DNER: variants seen among roughly 807,000 people sequenced by gnomAD.
DNER encodes delta/notch like EGF repeat containing.
Under a neutral mutation model 78.2 loss-of-function variants are expected in DNER, and 33 were observed. The observed-to-expected ratio is 0.42, with a 90% CI of 0.32 to 0.56. DNER has a LOEUF of 0.56. Ranked by LOEUF, DNER falls within the 20% of genes least tolerant of loss-of-function variation. The pLI is 0.11. For missense variants in DNER, 918 were observed against 975.3 expected (o/e 0.94, Z 0.78); for synonymous variants, 417 against 384.8 (o/e 1.08, Z -0.98).
At chr2:229,456,052 T>A (rs1694564302) in intron 7 of DNER, among the ~76,000 whole-genome samples, 1 of 152,058 alleles carries the variant, frequency 6.6e-6, no homozygotes, top group Admixed American at 6.5e-5. Context: ...TACAAAGGGA[T>A]ACCTGAGACT....
In DNER at chr2:229,466,408, G is replaced by A. The variant is rs576308831; in HGVS notation, c.1261+10732C>T. 1.4e-3 allele frequency among the ~76,000 whole-genome samples: 216 copies of A among 151,992 alleles called. 2 individuals are homozygous for A. Among genetic ancestry groups the A allele is most frequent in the African/African-American group, 5.1e-3 (211 of 41,428 alleles). On this transcript the variant is annotated intron_variant, in intron 7 of 12. Coordinates refer to ENST00000341772, the MANE Select transcript of DNER (RefSeq NM_139072.4). ...GCCTGCAGCCCTACTCATTCTTTAG[G>A]TTACTACTTAGTCTTCAAGTATGTT...
Position 229,710,872 on chromosome 2 carries a change from A to G in DNER, c.276+3276T>C, listed in dbSNP as rs145992703. ...GGTGCTCAGTGATTTACAGCACTTA[A>G]TTAATTTAATCCTTCCCAGAACCTT... On this transcript the variant is annotated intron_variant, in intron 1 of 12. Transcript: ENST00000341772. 3.9e-5 allele frequency among the ~76,000 whole-genome samples: 6 copies of G among 152,210 alleles called. No homozygotes were observed. The East Asian group carries it at 1.2e-3, about 29-fold the overall frequency.
At chr2:229,671,417 G>A (rs1375786602) in intron 1 of DNER, among the ~76,000 whole-genome samples, 3 of 152,144 alleles carry the variant, frequency 2.0e-5, no homozygotes, top group Admixed American at 2.0e-4. Flanking sequence ...CCTATCCAAT[G>A]TAACCAGCCA....
At chr2:229,606,444 T>G (rs1006740) in intron 1 of DNER, 96,459 of 151,704 alleles carry the variant, frequency 0.64, 30,884 homozygotes, top group African/African-American at 0.71. Flanking sequence ...CCACCAGCAG[T>G]CCCGAGGTAA....
At chr2:229,367,429 C>T (rs1441943087) in intron 11 of DNER, among the ~76,000 whole-genome samples, 1 of 151,922 alleles carries the variant, frequency 6.6e-6, no homozygotes, top group Non-Finnish European at 1.5e-5. Context: ...GGTAAAACCT[C>T]ATCTCTACTA....
chr2:229,561,296 A>T (rs1189038662), intron 4 of DNER, among the ~76,000 whole-genome samples: 3 of 152,206 alleles, frequency 2.0e-5, no homozygotes, highest in Non-Finnish European at 4.4e-5. Context: ...TGAAAATTAC[A>T]TATTAAGTAA....
chr2:229,385,911 G>A (rs547531339), intron 11 of DNER, among the ~76,000 whole-genome samples: 51 of 151,728 alleles, frequency 3.4e-4, no homozygotes, highest in African/African-American at 1.1e-3. Context: ...TAATTTACAC[G>A]TTCAATGCTA....
In DNER at chr2:229,710,985, A is replaced by G. The variant is rs113201499; in HGVS notation, c.276+3163T>C. 7.7e-3 allele frequency among the ~76,000 whole-genome samples: 806 copies of G among 104,854 alleles called. 4 individuals carry two copies. Among genetic ancestry groups the G allele is most frequent in the African/African-American group, 0.025 (620 of 25,206 alleles). 68.8% of individuals were successfully genotyped at this position (104,854 alleles called of 152,430 possible). On this transcript the variant is annotated intron_variant, in intron 1 of 12. Coordinates refer to ENST00000341772, the MANE Select transcript of DNER (RefSeq NM_139072.4). ...CTGAAAATGGCATGCATACACGCGCACACACACACACACACACACACACAC... is the reference window on the plus strand; with the variant it reads ...CTGAAAATGGCATGCATACACGCGCGCACACACACACACACACACACACAC...
intron 1 of DNER, among the ~76,000 whole-genome samples, chr2:229,712,745 C>T (rs577985296): frequency 2.0e-5 from 3 of 152,284 alleles, no homozygotes; most frequent in African/African-American, 7.2e-5. Context: ...CTATCATGTC[C>T]CAAATCTACT....
chr2:229,647,460 C>A (rs1698739508), intron 1 of DNER, among the ~76,000 whole-genome samples: 1 of 152,152 alleles, frequency 6.6e-6, no homozygotes, highest in African/African-American at 2.4e-5. Context: ...GAACATAAAC[C>A]CGGAAATGCT....
At chr2:229,584,687 T>C (rs1350905651) in intron 4 of DNER, among the ~76,000 whole-genome samples, 1 of 151,960 alleles carries the variant, frequency 6.6e-6, no homozygotes, top group Non-Finnish European at 1.5e-5. Flanking sequence ...TCCCAGCATT[T>C]TGGGAGGCCG....
At chr2:229,398,995 T>G (rs1021269901) in intron 10 of DNER, among the ~76,000 whole-genome samples, 1 of 152,012 alleles carries the variant, frequency 6.6e-6, no homozygotes, top group African/African-American at 2.4e-5. Context: ...GACTGAATGC[T>G]TTTCCCCTAA....
chr2:229,699,197 T>C (rs1574572614), intron 1 of DNER, among the ~76,000 whole-genome samples: 2 of 151,518 alleles, frequency 1.3e-5, no homozygotes, highest in South Asian at 4.2e-4. Context: ...ACGACAATTA[T>C]TAAAAGTGTG....
intron 4 of DNER, 148 bp from the exon 5 acceptor site, chr2:229,547,240 G>T: frequency 8.7e-7 from 1 of 1,146,882 alleles, no homozygotes; most frequent in Non-Finnish European, 1.2e-6. Flanking sequence ...AGTGAGGCAA[G>T]GGAATAAAGC....
Position 229,517,376 on chromosome 2 carries a change from C to T in DNER, c.994-4440G>A, listed in dbSNP as rs112051909. On this transcript the variant is annotated intron_variant, in intron 5 of 12. Transcript: ENST00000341772. ...AAGTTATAAATGGCATGGGGAAAAACGGAGACAGGGAATAGAAGTGGAAGG... is the reference window on the plus strand; with the variant it reads ...AAGTTATAAATGGCATGGGGAAAAATGGAGACAGGGAATAGAAGTGGAAGG... 4.3e-3 allele frequency among the ~76,000 whole-genome samples: 660 copies of T among 152,140 alleles called. 5 individuals are homozygous for T. Among genetic ancestry groups the T allele is most frequent in the African/African-American group, 0.013 (558 of 41,472 alleles).
chr2:229,598,528 T>C (rs945675588), intron 1 of DNER, among the ~76,000 whole-genome samples: 7 of 152,242 alleles, frequency 4.6e-5, no homozygotes, highest in Non-Finnish European at 1.0e-4. Context: ...CTTTGTTTGA[T>C]TGAGGTTACC....
chr2:229,405,117 G>A (rs778363413), intron 10 of DNER, among the ~76,000 whole-genome samples: 33 of 152,160 alleles, frequency 2.2e-4, no homozygotes, highest in Admixed American at 3.3e-4. Context: ...CAAAGGATAT[G>A]AATAGAGAGT....
Position 229,477,123 on chromosome 2 carries a change from TAATA to T in DNER, c.1261+13_1261+16del, listed in dbSNP as rs746508652. 10 of 1,592,702 alleles carry T rather than the reference TAATA, an allele frequency of 6.3e-6. No homozygotes were observed. The East Asian group carries it at 2.2e-4, about 36-fold the overall frequency. ...AAAATGAAAAAAGTTCTTTCTGGAG[TAATA>T]AATACTAATTACCTTCTGGACACTG... On this transcript the variant is annotated intron_variant, in intron 7 of 12. Transcript: ENST00000341772.
intron 5 of DNER, among the ~76,000 whole-genome samples, chr2:229,542,943 G>C (rs1329603852): frequency 1.3e-4 from 20 of 152,132 alleles, no homozygotes; most frequent in Non-Finnish European, 4.4e-5. Context: ...GAGTCACTGA[G>C]GGGTAATAAT....
Sources: gnomAD v4.1 joint callset for allele counts (sites outside exome capture counted in the v4.1 genomes callset) on GRCh38, gnomAD v4.1.1 for gene constraint, MANE v1.5 for transcripts, NCBI Gene and HGNC (gene_info 2026-07-23, HGNC 2026-07-21) for gene names.